The following RBFOX1 variants were observed in gnomAD, a reference collection of about 807,000 sequenced individuals.
RBFOX1 encodes RNA binding fox-1 homolog 1.
In RBFOX1, 8 loss-of-function variants were observed where a neutral mutation model predicts 57.7. That is an observed-to-expected ratio of 0.14 (90% CI 0.08 to 0.25). RBFOX1 has a LOEUF of 0.25. Among genes scored for constraint, RBFOX1 ranks in the 10% least tolerant of loss-of-function variants. The pLI is 1.00. For synonymous variants in RBFOX1, 326 were observed against 222.4 expected (o/e 1.47, Z -4.15); for missense variants, 611 against 548.5 (o/e 1.11, Z -1.14).
chr16:5,859,405 G>T (rs1039364933), intron 3 of RBFOX1, among the ~76,000 whole-genome samples: 1 of 152,168 alleles, frequency 6.6e-6, no homozygotes, highest in Non-Finnish European at 1.5e-5. Flanking sequence ...ACATAAAACA[G>T]CAAGAAAGAT....
At chr16:6,562,569 A>G (rs1343286105) in intron 2 of RBFOX1, among the ~76,000 whole-genome samples, 1 of 152,212 alleles carries the variant, frequency 6.6e-6, no homozygotes, top group African/African-American at 2.4e-5. Context: ...GTGTAATTGG[A>G]TATTTCACTA....
intron 4 of RBFOX1, among the ~76,000 whole-genome samples, chr16:7,288,189 A>G (rs768670586): frequency 4.6e-5 from 7 of 152,210 alleles, no homozygotes; most frequent in Non-Finnish European, 8.8e-5. Context: ...ACCTACCTCA[A>G]CCATAGTTTG....
intron 3 of RBFOX1, among the ~76,000 whole-genome samples, chr16:6,712,527 G>C (rs2063903904): frequency 1.3e-5 from 2 of 152,038 alleles, no homozygotes; most frequent in African/African-American, 4.8e-5. Context: ...CATCTTTCCA[G>C]TGACACAGGG....
At chr16:5,274,005 A>C (rs1295476686) in intron 1 of RBFOX1, among the ~76,000 whole-genome samples, 1 of 152,222 alleles carries the variant, frequency 6.6e-6, no homozygotes, top group African/African-American at 2.4e-5. Context: ...GGTGTGCTGG[A>C]GGAAAATGTA....
intron 1 of RBFOX1, among the ~76,000 whole-genome samples, chr16:5,411,108 G>C (rs1204985166): frequency 6.6e-6 from 1 of 152,220 alleles, no homozygotes; most frequent in Non-Finnish European, 1.5e-5. Flanking sequence ...TTGCATGTGG[G>C]ATAGATATAA....
At chr16:7,068,786 A>C (rs1219660298) in intron 4 of RBFOX1, among the ~76,000 whole-genome samples, 5 of 152,104 alleles carry the variant, frequency 3.3e-5, no homozygotes, top group Non-Finnish European at 5.9e-5. Context: ...ATGGAGTTTC[A>C]CCATGTTGGC....
At chr16:6,958,573 C>G (rs933842652) in intron 3 of RBFOX1, among the ~76,000 whole-genome samples, 9 of 152,128 alleles carry the variant, frequency 5.9e-5, no homozygotes, top group Non-Finnish European at 8.8e-5. Context: ...AATTAAACAA[C>G]CAAACGGAAT....
intron 4 of RBFOX1, among the ~76,000 whole-genome samples, chr16:7,311,478 C>CTTTTTTTTT (rs1190746565): frequency 4.9e-5 from 6 of 122,494 alleles, no homozygotes; most frequent in African/African-American, 6.2e-5. Context: ...TGAGCCTTTT[C>CTTTTTTTTT]TTTTTTTTTT....
At chr16:6,103,882 C>T (rs376923607) in intron 1 of RBFOX1, among the ~76,000 whole-genome samples, 1 of 152,144 alleles carries the variant, frequency 6.6e-6, no homozygotes, top group Non-Finnish European at 1.5e-5. Context: ...ACCTGAAATT[C>T]CCCTTTTTTG....
At chr16:6,762,669 A>C (rs1227851466) in intron 3 of RBFOX1, among the ~76,000 whole-genome samples, 1 of 152,164 alleles carries the variant, frequency 6.6e-6, no homozygotes, top group Non-Finnish European at 1.5e-5. Context: ...TAAACTTGGC[A>C]TTTGGTTATT....
At chr16:5,685,261 G>C (rs992910415) in intron 3 of RBFOX1, among the ~76,000 whole-genome samples, 3 of 152,152 alleles carry the variant, frequency 2.0e-5, no homozygotes, top group Admixed American at 6.5e-5. Flanking sequence ...TTGATGCACT[G>C]CCTTTGGTTC....
intron 1 of RBFOX1, among the ~76,000 whole-genome samples, chr16:6,090,729 C>T (rs1249523829): frequency 6.6e-6 from 1 of 152,158 alleles, no homozygotes; most frequent in African/African-American, 2.4e-5. Context: ...TCCAGGGCCC[C>T]TTAGTGCAGT....
rs183284121 is a variant in RBFOX1, at chr16:6,633,803, G to A, written c.-63-20800G>A. On this transcript the variant is annotated intron_variant, in intron 2 of 15. Transcript: ENST00000550418. The stretch of plus-strand genomic sequence containing the variant: ...GCAGGAAGATCACTTGAGTTGAGGA[G>A]TTTGAGACTAGCCTGGGCAACACGG... Among the ~76,000 whole-genome samples the A allele has an allele frequency of 7.4e-4, 113 of 152,200 alleles. 1 individual carries two copies. Among genetic ancestry groups the A allele is most frequent in the African/African-American group, 2.6e-3 (107 of 41,534 alleles).
chr16:7,665,712 A>G (rs1002585000), intron 13 of RBFOX1, among the ~76,000 whole-genome samples: 1 of 152,232 alleles, frequency 6.6e-6, no homozygotes, highest in African/African-American at 2.4e-5. Context: ...AGTAAACACA[A>G]TTTTGAATAA....
chr16:6,370,362 G>GAAAAAAAAAAAAAAAAAAAAAAAAA (rs71145221), intron 2 of RBFOX1, among the ~76,000 whole-genome samples: 3 of 81,976 alleles, frequency 3.7e-5, no homozygotes, highest in African/African-American at 4.8e-5. Flanking sequence ...CGTCTCAAAA[G>GAAAAAAAAAAAAAAAAAAAAAAAAA]AAAAAAAAAA....
intron 4 of RBFOX1, among the ~76,000 whole-genome samples, chr16:7,504,053 C>G (rs951602245): frequency 1.4e-4 from 21 of 152,234 alleles, no homozygotes; most frequent in East Asian, 1.2e-3. Flanking sequence ...AATTATATCT[C>G]TATGATTATT....
At chr16:6,955,667 CTTTATTTATTTAGGTATGTATGTATTTA>C (rs1482546129) in intron 3 of RBFOX1, among the ~76,000 whole-genome samples, 58 of 149,606 alleles carry the variant, frequency 3.9e-4, no homozygotes, top group Non-Finnish European at 6.2e-4. Context: ...TACACCACCA[CTTTATTTATTTAGGTATGTATGTATTTA>C]TTTATTTATT....
chr16:5,843,790 C>G (rs2091986701), intron 3 of RBFOX1, among the ~76,000 whole-genome samples: 1 of 152,222 alleles, frequency 6.6e-6, no homozygotes, highest in South Asian at 2.1e-4. Flanking sequence ...GCATCCTTCT[C>G]TAAAGCCTGA....
At chr16:6,682,848 A>AT in intron 3 of RBFOX1, among the ~76,000 whole-genome samples, 1 of 144,984 alleles carries the variant, frequency 6.9e-6, no homozygotes, top group East Asian at 2.1e-4. Flanking sequence ...AAAAGAGAAC[A>AT]TTTTTGAAAA....
Sources: gnomAD v4.1 joint callset for allele counts (sites outside exome capture counted in the v4.1 genomes callset) on GRCh38, gnomAD v4.1.1 for gene constraint, MANE v1.5 for transcripts, NCBI Gene and HGNC (gene_info 2026-07-23, HGNC 2026-07-21) for gene names.